Variants in MYT1L observed in about 807,000 individuals in gnomAD.
MYT1L encodes myelin transcription factor 1-like protein.
MYT1L carries 12 observed loss-of-function variants against 126.7 expected under a neutral mutation model. The observed-to-expected ratio is 0.09, with a 90% CI of 0.06 to 0.15. The LOEUF is 0.15. Ranked by LOEUF, MYT1L falls within the 10% of genes least tolerant of loss-of-function variation. MYT1L has a pLI of 1.00. For synonymous variants in MYT1L, 541 were observed against 604.2 expected, an observed-to-expected ratio of 0.90 and a Z score of 1.53; for missense variants, 979 against 1,585.2, an observed-to-expected ratio of 0.62 and a Z score of 6.49.
intron 3 of MYT1L, among the ~76,000 whole-genome samples, chr2:2,125,241 GT>G (rs2081534854): frequency 6.6e-6 from 1 of 152,164 alleles, no homozygotes; most frequent in Non-Finnish European, 1.5e-5. Context: ...GCCTTAGTGA[GT>G]GGGGGTCTAC....
intron 3 of MYT1L, among the ~76,000 whole-genome samples, chr2:2,064,505 G>A (rs1047865825): frequency 2.6e-4 from 40 of 152,178 alleles, no homozygotes; most frequent in Non-Finnish European, 2.8e-4. Context: ...AACACATCAA[G>A]GACATAATTA....
At chr2:2,300,813 C>T (rs1005256257) in intron 1 of MYT1L, among the ~76,000 whole-genome samples, 6 of 152,198 alleles carry the variant, frequency 3.9e-5, no homozygotes, top group Admixed American at 6.5e-5. Flanking sequence ...AGCTGGGCAT[C>T]TCTCTTCACA....
chr2:1,977,055 G>C (rs1410118341), intron 8 of MYT1L, among the ~76,000 whole-genome samples: 1 of 152,174 alleles, frequency 6.6e-6, no homozygotes, highest in Non-Finnish European at 1.5e-5. Context: ...CTAGATAACT[G>C]AGTGCATTAA....
intron 2 of MYT1L, among the ~76,000 whole-genome samples, chr2:2,196,319 T>C (rs1375629142): frequency 6.6e-6 from 1 of 152,034 alleles, no homozygotes; most frequent in African/African-American, 2.4e-5. Flanking sequence ...GCACTTGTAA[T>C]CAGCAGATCT....
chr2:1,983,175 C>G (rs1317376364), intron 5 of MYT1L, among the ~76,000 whole-genome samples: 1 of 152,136 alleles, frequency 6.6e-6, no homozygotes, highest in African/African-American at 2.4e-5. Flanking sequence ...CTGTTCCCTC[C>G]TCCGTCGGTT....
intron 11 of MYT1L, among the ~76,000 whole-genome samples, chr2:1,913,111 T>C (rs760366853): frequency 9.2e-5 from 14 of 152,344 alleles, no homozygotes; most frequent in South Asian, 4.1e-4. Context: ...TATGTAATTG[T>C]ATTTTTGACA....
chr2:2,038,925 C>T (rs571808546), intron 4 of MYT1L, among the ~76,000 whole-genome samples: 44 of 152,272 alleles, frequency 2.9e-4, no homozygotes, highest in Admixed American at 7.8e-4. Context: ...TCTGGTCCCT[C>T]CTCCTCGGTG....
intron 2 of MYT1L, among the ~76,000 whole-genome samples, chr2:2,245,708 C>G (rs1011012615): frequency 6.6e-6 from 1 of 152,060 alleles, no homozygotes; most frequent in Non-Finnish European, 1.5e-5. Context: ...GGGCTCAGCA[C>G]CATCCACTCT....
intron 5 of MYT1L, among the ~76,000 whole-genome samples, chr2:1,995,400 C>T (rs1574324606): frequency 6.6e-6 from 1 of 152,146 alleles, no homozygotes; most frequent in South Asian, 2.1e-4. Context: ...AAATGCACCG[C>T]TAATATCACA....
intron 3 of MYT1L, among the ~76,000 whole-genome samples, chr2:2,079,768 C>T (rs1471229001): frequency 1.6e-4 from 24 of 151,124 alleles, no homozygotes; most frequent in African/African-American, 4.6e-4. Flanking sequence ...GCCGAGATTG[C>T]GCCACTGCAC....
In MYT1L at chr2:1,806,637, G is replaced by A. The variant is rs1239371507; in HGVS notation, c.3172+2439C>T. ...AGGAATGTCTAGTGCCCTCAATGCC[G>A]ACTCAGGCCCACCGATGAAGAGATG... On this transcript the variant is annotated intron_variant, in intron 22 of 24. Coordinates refer to ENST00000647738, the MANE Select transcript of MYT1L (RefSeq NM_001303052.2). This position sits in a 1 kb window ranked among gnomAD's most constrained non-coding sequence, Gnocchi z 4.9. Among the ~76,000 whole-genome samples the A allele has an allele frequency of 1.3e-5, 2 of 152,120 alleles. No individual in the cohort carries two copies. The highest frequency in any genetic ancestry group is 2.4e-5 in the African/African-American group (1 of 41,438).
At chr2:2,180,718 CTG>C (rs1327461601) in intron 2 of MYT1L, among the ~76,000 whole-genome samples, 4 of 149,352 alleles carry the variant, frequency 2.7e-5, no homozygotes, top group Admixed American at 2.7e-4. Flanking sequence ...GTATCTGTAC[CTG>C]TGTGCCTGCA....
rs73174001 is a variant in MYT1L at position 2,136,407 on chromosome 2, A to T, written c.-304+36465T>A. On this transcript the variant is annotated intron_variant, in intron 3 of 24. Transcript: ENST00000647738. ...ATCCAGGAAACTGTTAAATTCTTCAAACCAAGGCTGAGAATCTTCTTGACA... is the reference window on the plus strand; with the variant it reads ...ATCCAGGAAACTGTTAAATTCTTCATACCAAGGCTGAGAATCTTCTTGACA... 4.3e-3 allele frequency among the ~76,000 whole-genome samples: 659 copies of T among 152,254 alleles called. 5 individuals are homozygous for T. The highest frequency in any genetic ancestry group is 0.015 in the African/African-American group (628 of 41,554).
At position 1,923,210 on chromosome 2, in the gene MYT1L, C is replaced by A; in HGVS notation, c.559G>T (p.Asp187Tyr). The change falls in exon 10 of 25, where the codon GAT becomes TAT. Residue 187 changes from aspartate to tyrosine, a missense_variant. Asp to Tyr is a radical substitution (Grantham distance 160, BLOSUM62 -3). Coordinates refer to ENST00000647738, the MANE Select transcript of MYT1L (RefSeq NM_001303052.2). ...NTRIMQDTEK[D>Y]DNNNDEYDNY... ...TCATATTCGTCATTATTGTTATCAT[C>A]CTTTTCTGTGTCTTGCATTATTCGA... is the stretch of plus-strand genomic sequence containing the variant. The A allele has an allele frequency of 6.2e-7, 1 of 1,612,392 alleles. No homozygotes were observed. The highest frequency in any genetic ancestry group is 2.2e-5 in the East Asian group (1 of 44,870).
At chr2:1,916,796 C>T (rs2052907683) in intron 11 of MYT1L, among the ~76,000 whole-genome samples, 2 of 152,180 alleles carry the variant, frequency 1.3e-5, no homozygotes, top group Non-Finnish European at 2.9e-5. Context: ...GATATTTGGG[C>T]AAGAAATGTC....
At chr2:1,797,568 C>G (rs2033862569) in intron 23 of MYT1L, among the ~76,000 whole-genome samples, 1 of 152,206 alleles carries the variant, frequency 6.6e-6, no homozygotes, top group Admixed American at 6.5e-5. Context: ...GACCCCGACG[C>G]AGACTCTTCT....
chr2:2,165,031 G>A (rs892324950), intron 3 of MYT1L, among the ~76,000 whole-genome samples: 1 of 152,190 alleles, frequency 6.6e-6, no homozygotes, highest in African/African-American at 2.4e-5. Flanking sequence ...GGCAGTCAAG[G>A]CCTGCCAGCT....
rs917534498 is a variant in MYT1L at position 2,129,681 on chromosome 2, C to T, written c.-304+43191G>A. ...CAGCACTTTGGGAGACTGAGGTGGGCGGATCACAAGGTCAGGAGATCGAGA... is the reference window on the plus strand; with the variant it reads ...CAGCACTTTGGGAGACTGAGGTGGGTGGATCACAAGGTCAGGAGATCGAGA... On this transcript the variant is annotated intron_variant, in intron 3 of 24. Transcript: ENST00000647738. 7.2e-5 allele frequency among the ~76,000 whole-genome samples: 11 copies of T among 152,050 alleles called. 1 individual carries two copies. The highest frequency in any genetic ancestry group is 1.9e-4 in the East Asian group (1 of 5,168).
At chr2:2,129,502 G>A (rs17039348) in intron 3 of MYT1L, among the ~76,000 whole-genome samples, 1,809 of 152,310 alleles carry the variant, frequency 0.012, 44 homozygotes, top group African/African-American at 0.04. Flanking sequence ...TAGAGTGGAA[G>A]GCAGCTGTCC....
Sources: gnomAD v4.1 joint callset for allele counts (sites outside exome capture counted in the v4.1 genomes callset) on GRCh38, gnomAD v4.1.1 for gene constraint, Gnocchi (gnomAD v3.1) non-coding constraint, MANE v1.5 for transcripts, NCBI Gene and HGNC (gene_info 2026-07-23, HGNC 2026-07-21) for gene names.